SEMA5B: variants seen among roughly 807,000 people sequenced by gnomAD.
SEMA5B encodes semaphorin-5B.
SEMA5B carries 66 observed loss-of-function variants against 135.0 expected under a neutral mutation model. That is an observed-to-expected ratio of 0.49 (90% CI 0.40 to 0.60). The LOEUF (loss-of-function observed/expected upper bound fraction) is 0.60. SEMA5B is among the 20% of genes least tolerant of loss of function. The pLI is 0.00. For missense variants in SEMA5B, 1,501 were observed against 1,566.3 expected (o/e 0.96, Z 0.70); for synonymous variants, 690 against 639.5 (o/e 1.08, Z -1.19).
intron 1 of SEMA5B, among the ~76,000 whole-genome samples, chr3:123,005,711 T>C (rs912370599): frequency 6.6e-6 from 1 of 152,120 alleles, no homozygotes; most frequent in Non-Finnish European, 1.5e-5. Flanking sequence ...GAAAGAGTGG[T>C]TGGCCTGAGG....
intron 1 of SEMA5B, among the ~76,000 whole-genome samples, chr3:122,973,511 C>T (rs1267407594): frequency 1.3e-5 from 2 of 152,202 alleles, no homozygotes; most frequent in Non-Finnish European, 2.9e-5. Flanking sequence ...GGTGGAACGT[C>T]AACAGAGACC....
In SEMA5B at chr3:122,913,401, C is replaced by T. The variant is rs183401039; in HGVS notation, c.2304G>A (p.Glu768=). Residue 768 remains glutamate, a synonymous_variant, in exon 17 of 23, where the codon GAG becomes GAA. Transcript: ENST00000357599. ...TGTTGCGCCGCACTTCGGGGCAGCC[C>T]TCGGGGTTGCACGTCTTGAACTCCT... ...CGVEFKTCNP[E]GCPEVRRNTP... is the part of the protein sequence containing the mutation. 70 of 1,575,430 alleles carry T rather than the reference C, an allele frequency of 4.4e-5. No homozygotes were observed. Among genetic ancestry groups the T allele is most frequent in the Non-Finnish European group, 5.8e-5 (68 of 1,165,412 alleles).
chr3:122,987,674 C>T (rs768498470), intron 1 of SEMA5B, among the ~76,000 whole-genome samples: 1 of 152,088 alleles, frequency 6.6e-6, no homozygotes, highest in Non-Finnish European at 1.5e-5. Flanking sequence ...GTGCTATGGA[C>T]GGACGCCCTG....
intron 12 of SEMA5B, among the ~76,000 whole-genome samples, chr3:122,920,599 T>G (rs1938298204): frequency 6.6e-6 from 1 of 152,232 alleles, no homozygotes; most frequent in South Asian, 2.1e-4. Flanking sequence ...CTTACAACTC[T>G]GCCTGTTAAA....
chr3:122,910,015 C>G lies in SEMA5B; in HGVS notation c.*128G>C. 2 of 996,076 alleles carry G rather than the reference C, an allele frequency of 2.0e-6. No homozygotes were observed. Among genetic ancestry groups the G allele is most frequent in the Non-Finnish European group, 2.9e-6 (2 of 682,808 alleles). The allele number at this position is 996,076 out of a possible 1,614,324, so 61.7% of individuals were successfully genotyped here. A position where few individuals can be genotyped will look rare whatever the true frequency, so the allele number is the denominator to read the frequency against. ...GAGCTCTCTGAAGCCGGATGGGACC[C>G]CCCACAGGCAAGGCAGCAAGTTCTT... On this transcript the variant is annotated 3_prime_UTR_variant, in exon 23 of 23. Coordinates refer to ENST00000357599, the MANE Select transcript of SEMA5B (RefSeq NM_001031702.4).
chr3:123,010,272 G>A (rs138253470), intron 1 of SEMA5B, among the ~76,000 whole-genome samples: 3 of 152,170 alleles, frequency 2.0e-5, no homozygotes, highest in African/African-American at 7.2e-5. Context: ...GAAGACAAGG[G>A]TTTAAAATTG....
At chr3:122,947,288 C>T (rs1024046499) in intron 3 of SEMA5B, among the ~76,000 whole-genome samples, 8 of 152,152 alleles carry the variant, frequency 5.3e-5, no homozygotes, top group Admixed American at 5.2e-4. Flanking sequence ...GCCTTCAAAG[C>T]CTTGGATCCC....
chr3:123,014,966 T>C (rs995497351), intron 1 of SEMA5B, among the ~76,000 whole-genome samples: 1 of 152,178 alleles, frequency 6.6e-6, no homozygotes, highest in Non-Finnish European at 1.5e-5. Flanking sequence ...GGTGTCCTTA[T>C]AAAAAGGAAA....
chr3:122,917,897 G>A (rs1389195906), intron 12 of SEMA5B, among the ~76,000 whole-genome samples: 2 of 149,266 alleles, frequency 1.3e-5, no homozygotes, highest in Non-Finnish European at 2.9e-5. Flanking sequence ...GGGACTACAT[G>A]CAACACATGT....
At chr3:123,014,935 G>A (rs1942521459) in intron 1 of SEMA5B, among the ~76,000 whole-genome samples, 1 of 152,162 alleles carries the variant, frequency 6.6e-6, no homozygotes, top group Non-Finnish European at 1.5e-5. Context: ...ACTGGAGGGT[G>A]GGCCCCAACC....
At chr3:122,915,920 C>T (rs1938052995) in intron 12 of SEMA5B, 30 bp from the exon 13 acceptor site, 1 of 1,569,646 alleles carries the variant, frequency 6.4e-7, no homozygotes, top group Admixed American at 1.7e-5. Context: ...AGATTCAAGC[C>T]CACTGGCTTC....
chr3:122,996,332 C>T (rs562298764), intron 1 of SEMA5B, among the ~76,000 whole-genome samples: 1 of 152,360 alleles, frequency 6.6e-6, no homozygotes, highest in East Asian at 1.9e-4. Flanking sequence ...GCCAGATGGA[C>T]GTCCCTGCCT....
intron 1 of SEMA5B, among the ~76,000 whole-genome samples, chr3:122,973,707 A>C (rs1941210986): frequency 6.6e-6 from 1 of 152,146 alleles, no homozygotes; most frequent in South Asian, 2.1e-4. Context: ...GGGGTTGTAG[A>C]TTCCCAAGGA....
chr3:122,948,669 C>G lies in SEMA5B; in HGVS notation c.165G>C (p.Glu55Asp). Reference sequence around the variant, plus strand: ...GGCCTGCAAGCACCATGATAGGCCCCTCTGCAGTCCTAGCTCCGGGAGGCA... The same window carrying G: ...GGCCTGCAAGCACCATGATAGGCCCGTCTGCAGTCCTAGCTCCGGGAGGCA... ...PCLPPGARTA[E>D]GPIMVLAGPL... The change falls in exon 3 of 23, where the codon GAG becomes GAC. Residue 55 changes from glutamate to aspartate, a missense_variant. Transcript: ENST00000357599. The G allele has an allele frequency of 1.9e-6, 3 of 1,611,780 alleles. No individual in the cohort carries two copies. The highest frequency in any genetic ancestry group is 2.5e-6 in the Non-Finnish European group (3 of 1,178,474).
chr3:122,966,557 A>ATTTTTTTTT (rs1414027791), intron 1 of SEMA5B, among the ~76,000 whole-genome samples: 1 of 139,468 alleles, frequency 7.2e-6, no homozygotes, highest in African/African-American at 3.2e-5. Context: ...TATTATTATT[A>ATTTTTTTTT]TTATTATTAT....
At chr3:122,928,228 C>T (rs1938752101) in intron 7 of SEMA5B, among the ~76,000 whole-genome samples, 1 of 152,182 alleles carries the variant, frequency 6.6e-6, no homozygotes, top group Non-Finnish European at 1.5e-5. Flanking sequence ...CAGGACCCTC[C>T]AAGGTAAGGC....
intron 1 of SEMA5B, among the ~76,000 whole-genome samples, chr3:123,015,294 G>A (rs2107807816): frequency 6.6e-6 from 1 of 152,336 alleles, no homozygotes; most frequent in Non-Finnish European, 1.5e-5. Context: ...GTGGCTGAGT[G>A]CGTTATGTTA....
intron 1 of SEMA5B, among the ~76,000 whole-genome samples, chr3:122,979,676 T>G (rs1941456832): frequency 6.6e-6 from 1 of 152,194 alleles, no homozygotes; most frequent in Admixed American, 6.5e-5. Flanking sequence ...TCATCTCACT[T>G]CAGAAAGACA....
At chr3:122,977,333 G>A (rs1001818397) in intron 1 of SEMA5B, among the ~76,000 whole-genome samples, 2 of 152,200 alleles carry the variant, frequency 1.3e-5, no homozygotes, top group Non-Finnish European at 2.9e-5. Context: ...AATAATAAAC[G>A]AATTGCAAAT....
Sources: gnomAD v4.1 joint callset for allele counts (sites outside exome capture counted in the v4.1 genomes callset) on GRCh38, gnomAD v4.1.1 for gene constraint, MANE v1.5 for transcripts, NCBI Gene and HGNC (gene_info 2026-07-23, HGNC 2026-07-21) for gene names.